Variants in NCAPH observed in about 807,000 individuals in gnomAD.
The protein encoded by NCAPH is non-SMC condensin I complex subunit H.
Under a neutral mutation model 85.5 loss-of-function variants are expected in NCAPH, and 38 were observed. The ratio of observed to expected loss-of-function variants is 0.44; its 90% CI spans 0.34 to 0.58. The LOEUF (loss-of-function observed/expected upper bound fraction) is 0.58, where lower values mean the gene tolerates loss of function less well. Ranked by LOEUF, NCAPH falls within the 20% of genes least tolerant of loss-of-function variation. The pLI is 0.01. For synonymous variants in NCAPH, 301 were observed against 335.1 expected (o/e 0.90, Z 1.11); for missense variants, 789 against 916.6 (o/e 0.86, Z 1.80).
rs2064830412 is a variant in NCAPH, at chr2:96,376,232, A to G, written c.*2881A>G. Among the ~76,000 whole-genome samples, 1 of 152,224 alleles carries G rather than the reference A, an allele frequency of 6.6e-6. No individual in the cohort carries two copies. Among genetic ancestry groups the G allele is most frequent in the African/African-American group, 2.4e-5 (1 of 41,456 alleles). ...ACATTCTCTGCCAAACAGAACCAGA[A>G]TTTAAGGGCAGGAGAATTTGCAAGA... is the stretch of plus-strand genomic sequence containing the variant. On this transcript the variant is annotated 3_prime_UTR_variant, in exon 18 of 18. Coordinates refer to ENST00000240423, the MANE Select transcript of NCAPH (RefSeq NM_015341.5).
At chr2:96,350,605 G>A (rs536762704) in intron 6 of NCAPH, among the ~76,000 whole-genome samples, 72 of 152,290 alleles carry the variant, frequency 4.7e-4, no homozygotes, top group Non-Finnish European at 8.7e-4. Context: ...CGACTTGGAC[G>A]TGTGGCTGCC....
chr2:96,365,892 A>G lies in NCAPH; in HGVS notation c.1715A>G (p.Asp572Gly). The change falls in exon 14 of 18, where the codon GAT becomes GGT. Residue 572 changes from aspartate to glycine, a missense_variant. Transcript: ENST00000240423. The stretch of plus-strand genomic sequence containing the variant: ...CTTGCCCAGGCTGCTGACAGTGATG[A>G]TGAAGATTTGGATGACTTATTTGTG... ...CPGLQAADSD[D>G]EDLDDLFVGP... 6.2e-7 allele frequency: 1 copy of G among 1,614,164 alleles called. No individual in the cohort carries two copies. The highest frequency in any genetic ancestry group is 8.5e-7 in the Non-Finnish European group (1 of 1,180,034).
At chr2:96,336,892 G>C (rs192333588) in intron 1 of NCAPH, among the ~76,000 whole-genome samples, 1 of 152,202 alleles carries the variant, frequency 6.6e-6, no homozygotes, top group Admixed American at 6.5e-5. Context: ...AAAGACAGTG[G>C]TATAGGAAGA....
intron 12 of NCAPH, among the ~76,000 whole-genome samples, chr2:96,361,753 T>G (rs988907298): frequency 7.6e-6 from 1 of 130,994 alleles, no homozygotes. Flanking sequence ...TTTAATGATA[T>G]ATATATATAT....
intron 1 of NCAPH, among the ~76,000 whole-genome samples, chr2:96,337,166 A>G (rs1485043615): frequency 6.6e-6 from 1 of 152,234 alleles, no homozygotes; most frequent in Non-Finnish European, 1.5e-5. Context: ...ATCAAAGGCA[A>G]GGAGAGAAAC....
rs1219414316 is a variant in NCAPH, at chr2:96,341,853, C to T, written c.231C>T (p.Phe77=). 1 of 1,612,826 alleles carries T rather than the reference C, an allele frequency of 6.2e-7. No individual in the cohort carries two copies. The highest frequency in any genetic ancestry group is 8.5e-7 in the Non-Finnish European group (1 of 1,180,002). ...RRRSRVFDLQ[F]STDSPRLLAS... ...GCTCGAGGGTCTTTGATCTGCAGTTCAGCACTGACTCACCTCGCTTATTGG... is the reference window on the plus strand; with the variant it reads ...GCTCGAGGGTCTTTGATCTGCAGTTTAGCACTGACTCACCTCGCTTATTGG... Residue 77 remains phenylalanine (F), a synonymous_variant, in exon 2 of 18, where the codon TTC becomes TTT. Coordinates refer to ENST00000240423, the MANE Select transcript of NCAPH (RefSeq NM_015341.5).
At position 96,373,667 on chromosome 2, in the gene NCAPH, C is replaced by A; in HGVS notation, c.*316C>A. 4.7e-6 allele frequency: 1 copy of A among 213,412 alleles called. No individual in the cohort carries two copies. The highest frequency in any genetic ancestry group is 1.7e-4 in the South Asian group (1 of 5,986). The allele number at this position is 213,412 out of a possible 1,614,324, so 13.2% of individuals were successfully genotyped here. A position where few individuals can be genotyped will look rare whatever the true frequency, so the allele number is the denominator to read the frequency against. On this transcript the variant is annotated 3_prime_UTR_variant, in exon 18 of 18. Coordinates refer to ENST00000240423, the MANE Select transcript of NCAPH (RefSeq NM_015341.5). ...CTTTATATCAATGTATAGTTTTAGT[C>A]TCCTAAATTGATCTGTTATTTTCCA... is the stretch of plus-strand genomic sequence containing the variant.
At chr2:96,336,008 A>C (rs1187311398) in intron 1 of NCAPH, among the ~76,000 whole-genome samples, 160 bp downstream of exon 1, 1 of 137,100 alleles carries the variant, frequency 7.3e-6, no homozygotes, top group South Asian at 2.5e-4. Flanking sequence ...GGGGGAGGGG[A>C]GGGCCGGCGC....
intron 13 of NCAPH, 105 bp from the exon 14 acceptor site, chr2:96,365,771 C>T: frequency 8.9e-7 from 1 of 1,120,060 alleles, no homozygotes; most frequent in Non-Finnish European, 1.3e-6. Context: ...CTGAGTGAAC[C>T]ATCAGATGGT....
At chr2:96,352,047 G>A (rs1357245001) in intron 7 of NCAPH, 27 bp downstream of exon 7, 4 of 1,567,078 alleles carry the variant, frequency 2.6e-6, no homozygotes, top group Non-Finnish European at 3.5e-6. Flanking sequence ...CCTTTCACCA[G>A]AGCATTTCAG....
intron 1 of NCAPH, among the ~76,000 whole-genome samples, chr2:96,338,106 T>C (rs2064239851): frequency 6.6e-6 from 1 of 152,046 alleles, no homozygotes; most frequent in East Asian, 1.9e-4. Context: ...TTTGTATTTT[T>C]AGTAGAGACG....
intron 9 of NCAPH, among the ~76,000 whole-genome samples, chr2:96,356,901 C>T (rs1473465032): frequency 2.6e-5 from 4 of 152,150 alleles, no homozygotes; most frequent in African/African-American, 4.8e-5. Context: ...CAACTGCAAG[C>T]GTAAAAGGTG....
chr2:96,355,647 T>G (rs1238999475), intron 9 of NCAPH, among the ~76,000 whole-genome samples: 25 of 148,762 alleles, frequency 1.7e-4, no homozygotes, highest in African/African-American at 5.4e-4. Flanking sequence ...GTTTTTTTGT[T>G]TTTTTTTTTT....
intron 10 of NCAPH, among the ~76,000 whole-genome samples, chr2:96,359,909 C>T (rs1480877431): frequency 6.6e-6 from 1 of 152,256 alleles, no homozygotes; most frequent in African/African-American, 2.4e-5. Context: ...AGGCATGAGC[C>T]ACTGCACCTG....
intron 13 of NCAPH, 86 bp downstream of exon 13, chr2:96,364,677 G>A: frequency 1.1e-6 from 1 of 934,656 alleles, no homozygotes. Context: ...TTATATGGTG[G>A]GAGACTGTTG....
At chr2:96,346,752 A>G (rs1473986723) in intron 6 of NCAPH, among the ~76,000 whole-genome samples, 3 of 151,948 alleles carry the variant, frequency 2.0e-5, no homozygotes, top group Non-Finnish European at 4.4e-5. Context: ...GAGAGGTTGC[A>G]GTCATGGTTA....
intron 6 of NCAPH, among the ~76,000 whole-genome samples, chr2:96,346,862 G>T (rs899733110): frequency 1.3e-4 from 20 of 152,040 alleles, no homozygotes; most frequent in African/African-American, 4.4e-4. Context: ...TGGAGTCCTG[G>T]GTTTCTTAGG....
chr2:96,364,355 G>C, intron 12 of NCAPH, 126 bp from the exon 13 acceptor site: 1 of 616,258 alleles, frequency 1.6e-6, no homozygotes, highest in Non-Finnish European at 2.8e-6. Context: ...GACTTGTGAG[G>C]GCCCTTCTGA....
chr2:96,372,424 T>G (rs2064786271), intron 17 of NCAPH, among the ~76,000 whole-genome samples: 1 of 152,142 alleles, frequency 6.6e-6, no homozygotes, highest in Admixed American at 6.5e-5. Flanking sequence ...GGGGTTAATA[T>G]AGTAGCCCCC....
Sources: gnomAD v4.1 joint callset for allele counts (sites outside exome capture counted in the v4.1 genomes callset) on GRCh38, gnomAD v4.1.1 for gene constraint, MANE v1.5 for transcripts, NCBI Gene and HGNC (gene_info 2026-07-23, HGNC 2026-07-21) for gene names.